The following FOXN3 variants were observed in gnomAD, a reference collection of about 807,000 sequenced individuals.
The protein encoded by FOXN3 is forkhead box N3.
In FOXN3, 7 loss-of-function variants were observed where a neutral mutation model predicts 38.4. The observed-to-expected ratio is 0.18, with a 90% CI of 0.10 to 0.34. The LOEUF is 0.34. Ranked by LOEUF, FOXN3 falls within the 10% of genes least tolerant of loss-of-function variation. FOXN3 has a pLI of 1.00. For missense variants in FOXN3, 456 were observed against 613.4 expected (o/e 0.74, Z 2.71); for synonymous variants, 230 against 242.2 (o/e 0.95, Z 0.47).
rs140354274 is a variant in FOXN3, at chr14:89,322,445, C to G, written c.680+28227G>C. Among the ~76,000 whole-genome samples the G allele has an allele frequency of 2.6e-5, 4 of 152,202 alleles. No individual in the cohort carries two copies. In the East Asian group the frequency reaches 7.7e-4, roughly 29 times the overall value. ...CTGCCCTCACACAACTTGGAGTCTACTGAGAAGAGATGCCTTTAAAGTGTA... is the reference window on the plus strand; with the variant it reads ...CTGCCCTCACACAACTTGGAGTCTAGTGAGAAGAGATGCCTTTAAAGTGTA... On this transcript the variant is annotated intron_variant, in intron 3 of 5. Coordinates refer to ENST00000557258, the MANE Select transcript of FOXN3 (RefSeq NM_005197.4).
chr14:89,450,699 C>T (rs1892598287), intron 1 of FOXN3, among the ~76,000 whole-genome samples: 1 of 152,012 alleles, frequency 6.6e-6, no homozygotes, highest in South Asian at 2.1e-4. Flanking sequence ...GATTTTCCTG[C>T]CTCAGCCTCC....
At chr14:89,182,394 G>T (rs1887697403) in intron 4 of FOXN3, among the ~76,000 whole-genome samples, 1 of 152,126 alleles carries the variant, frequency 6.6e-6, no homozygotes, top group Non-Finnish European at 1.5e-5. Flanking sequence ...TCTTACAAAA[G>T]GTGGGATGGG....
chr14:89,508,972 T>C (rs1894002704), intron 1 of FOXN3, among the ~76,000 whole-genome samples: 1 of 152,106 alleles, frequency 6.6e-6, no homozygotes, highest in Non-Finnish European at 1.5e-5. Flanking sequence ...AGGGATGTCA[T>C]ATCACCTCCC....
chr14:89,186,150 A>G (rs1483399965), intron 4 of FOXN3, among the ~76,000 whole-genome samples: 1 of 152,142 alleles, frequency 6.6e-6, no homozygotes, highest in Non-Finnish European at 1.5e-5. Flanking sequence ...TCCTAAAGTC[A>G]GCCTTTCCAC....
At chr14:89,330,430 T>C (rs986247130) in intron 3 of FOXN3, among the ~76,000 whole-genome samples, 2 of 152,244 alleles carry the variant, frequency 1.3e-5, no homozygotes, top group African/African-American at 4.8e-5. Flanking sequence ...CCGAGTCTTC[T>C]GACTCTCATA....
chr14:89,592,959 C>A (rs1477607587), intron 1 of FOXN3, among the ~76,000 whole-genome samples: 1 of 150,952 alleles, frequency 6.6e-6, no homozygotes, highest in East Asian at 2.0e-4. Context: ...AATTGAAAGT[C>A]CGCTGGAAGG....
intron 1 of FOXN3, among the ~76,000 whole-genome samples, chr14:89,508,328 C>T (rs1893991544): frequency 6.6e-6 from 1 of 152,154 alleles, no homozygotes; most frequent in Non-Finnish European, 1.5e-5. Context: ...AAGGCAGCAC[C>T]GTTCCCTGTC....
At chr14:89,546,329 C>CTTTTTTTTTCTTTTTTTTTTTTTTTT (rs1894880091) in intron 1 of FOXN3, among the ~76,000 whole-genome samples, 4 of 78,320 alleles carry the variant, frequency 5.1e-5, no homozygotes, top group East Asian at 3.7e-4. Context: ...TTTCCTTTTT[C>CTTTTTTTTTCTTTTTTTTTTTTTTTT]TTTTTTTTTT....
At chr14:89,578,630 CTAAAATAA>C (rs1895682162) in intron 1 of FOXN3, among the ~76,000 whole-genome samples, 1 of 152,162 alleles carries the variant, frequency 6.6e-6, no homozygotes, top group Non-Finnish European at 1.5e-5. Flanking sequence ...TTCCAAAATT[CTAAAATAA>C]TCCTCCATTC....
intron 3 of FOXN3, among the ~76,000 whole-genome samples, chr14:89,343,627 G>GTTTTTTTTTTTT (rs34453491): frequency 3.6e-5 from 5 of 140,634 alleles, no homozygotes; most frequent in African/African-American, 5.3e-5. Flanking sequence ...AATGTGTGTG[G>GTTTTTTTTTTTT]TTTTTTTTTT....
At chr14:89,521,878 A>G (rs753564256) in intron 1 of FOXN3, among the ~76,000 whole-genome samples, 4 of 152,066 alleles carry the variant, frequency 2.6e-5, no homozygotes, top group African/African-American at 7.2e-5. Context: ...TTAGCTGGGC[A>G]TGGTGGTGCA....
intron 1 of FOXN3, among the ~76,000 whole-genome samples, chr14:89,602,628 C>T (rs908881723): frequency 6.6e-6 from 1 of 151,990 alleles, no homozygotes; most frequent in Non-Finnish European, 1.5e-5. Flanking sequence ...TCCCGAGTAG[C>T]TGGGATTATA....
At chr14:89,303,435 G>A (rs1039293530) in intron 3 of FOXN3, among the ~76,000 whole-genome samples, 1 of 149,602 alleles carries the variant, frequency 6.7e-6, no homozygotes, top group African/African-American at 2.5e-5. Flanking sequence ...AGACACTGAC[G>A]ATCTGATTCA....
At chr14:89,313,555 T>TC (rs1566953827) in intron 3 of FOXN3, among the ~76,000 whole-genome samples, 1,969 of 135,232 alleles carry the variant, frequency 0.015, 38 homozygotes, top group African/African-American at 0.04. Context: ...AGATGCTGTC[T>TC]TAAAAAAAAA....
At chr14:89,612,613 C>T (rs1896415298) in intron 1 of FOXN3, among the ~76,000 whole-genome samples, 1 of 151,224 alleles carries the variant, frequency 6.6e-6, no homozygotes, top group Non-Finnish European at 1.5e-5. Flanking sequence ...CTGGGGAGCA[C>T]AGGGAGACCC....
In FOXN3 at chr14:89,609,230, C is replaced by G. The variant is rs565260956; in HGVS notation, c.-15+9798G>C. On this transcript the variant is annotated intron_variant, in intron 1 of 6. Transcript: ENST00000345097. The stretch of plus-strand genomic sequence containing the variant: ...TCAAGATTCTTTTTCGAGACAGGGT[C>G]TCGCTCTGTCACCCAAGCTGGAGTG... Among the ~76,000 whole-genome samples, 11 of 152,282 alleles carry G rather than the reference C, an allele frequency of 7.2e-5. No homozygotes were observed. The South Asian group carries it at 2.3e-3, about 32-fold the overall frequency.
chr14:89,201,950 T>C (rs1888246707), intron 4 of FOXN3, among the ~76,000 whole-genome samples: 1 of 152,220 alleles, frequency 6.6e-6, no homozygotes, highest in Non-Finnish European at 1.5e-5. Flanking sequence ...ATTGAGTATT[T>C]CCACATGCAC....
At chr14:89,266,480 A>C (rs1165298747) in intron 4 of FOXN3, among the ~76,000 whole-genome samples, 1 of 151,958 alleles carries the variant, frequency 6.6e-6, no homozygotes, top group Non-Finnish European at 1.5e-5. Flanking sequence ...TAAATTTTGG[A>C]GGCGGCTGGG....
chr14:89,574,128 C>G (rs1895550348), intron 1 of FOXN3, among the ~76,000 whole-genome samples: 1 of 152,272 alleles, frequency 6.6e-6, no homozygotes, highest in East Asian at 1.9e-4. Flanking sequence ...ATCTCCATGG[C>G]CACTGTTTGC....
Sources: gnomAD v4.1 joint callset for allele counts (sites outside exome capture counted in the v4.1 genomes callset) on GRCh38, gnomAD v4.1.1 for gene constraint, MANE v1.5 for transcripts, NCBI Gene and HGNC (gene_info 2026-07-23, HGNC 2026-07-21) for gene names.